Variants in THOC5 observed in about 807,000 individuals in gnomAD.
THOC5 encodes THO complex subunit 5.
THOC5 carries 43 observed loss-of-function variants against 92.9 expected under a neutral mutation model. The ratio of observed to expected loss-of-function variants is 0.46; its 90% CI spans 0.36 to 0.60. THOC5 has a LOEUF of 0.60. THOC5 is among the 20% of genes least tolerant of loss of function. The pLI, the probability that THOC5 is intolerant of heterozygous loss-of-function variation, is 0.00. For synonymous variants in THOC5, 296 were observed against 320.1 expected (o/e 0.92, Z 0.80); for missense variants, 659 against 849.4 (o/e 0.78, Z 2.79).
At chr22:29,530,107 C>T (rs1329879153) in intron 8 of THOC5, among the ~76,000 whole-genome samples, 2 of 150,742 alleles carry the variant, frequency 1.3e-5, no homozygotes, top group Non-Finnish European at 2.9e-5. Flanking sequence ...CATGCTACTG[C>T]ACTGCAGCCT....
intron 6 of THOC5, among the ~76,000 whole-genome samples, chr22:29,539,066 C>T (rs1420509059): frequency 1.4e-5 from 2 of 142,966 alleles, no homozygotes; most frequent in Non-Finnish European, 3.0e-5. Context: ...ACTGAGATCA[C>T]ACCACCGCAC....
intron 19 of THOC5, among the ~76,000 whole-genome samples, chr22:29,509,149 G>A (rs2063174112): frequency 1.3e-5 from 2 of 151,740 alleles, no homozygotes; most frequent in Admixed American, 1.3e-4. Context: ...GCTGACAGAG[G>A]AGCTCAGCCT....
chr22:29,546,459 C>T (rs1348010484), intron 2 of THOC5, among the ~76,000 whole-genome samples: 4 of 151,996 alleles, frequency 2.6e-5, no homozygotes, highest in Admixed American at 6.6e-5. Flanking sequence ...GACAGAGTCT[C>T]GGTCTTGTCG....
In THOC5 at chr22:29,508,424, G is replaced by A. The variant is rs769077769; in HGVS notation, c.*33C>T. Reference sequence around the variant, plus strand: ...AGCAGAAGCCCAGTGCTCAGGGTGAGGCCTTGGGGGAAACAACGGTCTGCG... The same window carrying A: ...AGCAGAAGCCCAGTGCTCAGGGTGAAGCCTTGGGGGAAACAACGGTCTGCG... On this transcript the variant is annotated 3_prime_UTR_variant, in exon 20 of 20. Coordinates refer to ENST00000490103, the MANE Select transcript of THOC5 (RefSeq NM_003678.5). 6.2e-7 allele frequency: 1 copy of A among 1,608,272 alleles called. No individual in the cohort carries two copies. The highest frequency in any genetic ancestry group is 1.7e-5 in the Admixed American group (1 of 59,996).
intron 1 of THOC5, among the ~76,000 whole-genome samples, chr22:29,551,170 A>T (rs1028017997): frequency 2.0e-5 from 3 of 152,218 alleles, no homozygotes; most frequent in Non-Finnish European, 4.4e-5. Flanking sequence ...GCAGTGGCTC[A>T]GGCCTGTAAT....
In THOC5 at chr22:29,511,925, G is replaced by C. The variant is rs1178647736; in HGVS notation, c.1797+96C>G. 4.1e-6 allele frequency: 4 copies of C among 975,520 alleles called. No individual in the cohort carries two copies. In the Admixed American group the frequency reaches 8.3e-5, roughly 20 times the overall value. 60.4% of individuals were successfully genotyped at this position (975,520 alleles called of 1,614,324 possible). The stretch of plus-strand genomic sequence containing the variant: ...CACAACCTTCTGTTTTGGGAATTAA[G>C]GCAGTGCCCAAGTCCTCAGCTGCAG... On this transcript the variant is annotated intron_variant, in intron 18 of 19. Coordinates refer to ENST00000490103, the MANE Select transcript of THOC5 (RefSeq NM_003678.5).
intron 11 of THOC5, among the ~76,000 whole-genome samples, chr22:29,527,733 G>A (rs1256492283): frequency 6.6e-6 from 1 of 152,096 alleles, no homozygotes; most frequent in Non-Finnish European, 1.5e-5. Context: ...CATATACTCT[G>A]CAGAATACAA....
chr22:29,528,829 T>G, intron 9 of THOC5: 2 of 500,588 alleles, frequency 4.0e-6, no homozygotes, highest in Non-Finnish European at 7.1e-6. Context: ...AGAATTATGC[T>G]AAAGGCTGTA....
At chr22:29,542,783 A>G (rs950406796) in intron 5 of THOC5, 76 bp downstream of exon 5, 1 of 992,782 alleles carries the variant, frequency 1.0e-6, no homozygotes, top group Non-Finnish European at 1.5e-6. Context: ...AAAGAAACAG[A>G]CTTACAGTGA....
At chr22:29,548,982 A>G in intron 2 of THOC5, 70 bp downstream of exon 2, 1 of 1,514,704 alleles carries the variant, frequency 6.6e-7, no homozygotes, top group Non-Finnish European at 9.1e-7. Flanking sequence ...GAGCTGCTGC[A>G]AACACACAGC....
At chr22:29,536,539 G>A (rs541907080) in intron 7 of THOC5, 85 bp downstream of exon 7, 9 of 801,180 alleles carry the variant, frequency 1.1e-5, no homozygotes, top group East Asian at 9.7e-5. Context: ...TAGGGTAATA[G>A]ACCTGGCAAA....
intron 8 of THOC5, among the ~76,000 whole-genome samples, chr22:29,529,785 A>C (rs2063616450): frequency 6.6e-6 from 1 of 152,160 alleles, no homozygotes; most frequent in Non-Finnish European, 1.5e-5. Flanking sequence ...TCTCAAACAC[A>C]TGACCTGGAA....
intron 2 of THOC5, 36 bp from the exon 3 acceptor site, chr22:29,544,639 G>T (rs751166133): frequency 8.5e-6 from 13 of 1,521,156 alleles, no homozygotes; most frequent in Non-Finnish European, 1.2e-5. Flanking sequence ...GTGTGCATGG[G>T]GTAAAAGTCT....
intron 7 of THOC5, chr22:29,534,643 A>G (rs1330969796): frequency 2.0e-5 from 3 of 151,912 alleles, no homozygotes; most frequent in Non-Finnish European, 4.4e-5. Context: ...CCAATTGTAC[A>G]ATATATAAAG....
Position 29,543,477 on chromosome 22 carries a change from G to T in THOC5, c.306C>A (p.Asn102Lys). The T allele has an allele frequency of 6.2e-7, 1 of 1,614,004 alleles. No individual in the cohort carries two copies. The highest frequency in any genetic ancestry group is 8.5e-7 in the Non-Finnish European group (1 of 1,180,012). ...TCTTCAACCTGATGTGGGCTAATCG[G>T]TTAAGCTTCTTTAGAGTCATGAAAT... is the stretch of plus-strand genomic sequence containing the variant. ...CVHFMTLKKLNRLAHIRLKKG... is the reference protein window; with the variant it reads ...CVHFMTLKKLKRLAHIRLKKG... The change falls in exon 4 of 20, where the codon AAC (asparagine) becomes AAA (lysine). Residue 102 changes from asparagine to lysine, a missense_variant. By Grantham distance (94) the Asn-to-Lys change is moderately conservative. Coordinates refer to ENST00000490103, the MANE Select transcript of THOC5 (RefSeq NM_003678.5).
Position 29,539,326 on chromosome 22 carries a change from C to T in THOC5, c.599+4G>A. 1 of 1,613,184 alleles carries T rather than the reference C, an allele frequency of 6.2e-7. No homozygotes were observed. The highest frequency in any genetic ancestry group is 8.5e-7 in the Non-Finnish European group (1 of 1,179,482). ...TTAAAAGGTCAGGAAGGAGGAAATG[C>T]TACCTTTTCCGCTGCTCCAGCTCCC... On this transcript the variant is annotated splice_donor_region_variant and intron_variant, in intron 6 of 19. Transcript: ENST00000490103.
rs2063159262 is a variant in THOC5, at chr22:29,508,401, C to T, written c.*56G>A. On this transcript the variant is annotated 3_prime_UTR_variant, in exon 20 of 20. Coordinates refer to ENST00000490103, the MANE Select transcript of THOC5 (RefSeq NM_003678.5). ...GTCACATGTGGGCCAGAGCAGAAAG[C>T]AGAAGCCCAGTGCTCAGGGTGAGGC... 1.3e-6 allele frequency: 2 copies of T among 1,557,658 alleles called. No individual in the cohort carries two copies. The highest frequency in any genetic ancestry group is 1.4e-5 in the African/African-American group (1 of 73,602).
intron 11 of THOC5, among the ~76,000 whole-genome samples, chr22:29,527,593 CTTGGAGGTGAGA>C (rs2063569168): frequency 6.6e-6 from 1 of 152,024 alleles, no homozygotes; most frequent in African/African-American, 2.4e-5. Flanking sequence ...AATGGTTGCC[CTTGGAGGTGAGA>C]CCTAGGACTG....
At chr22:29,536,550 G>A in intron 7 of THOC5, 74 bp downstream of exon 7, 1 of 901,736 alleles carries the variant, frequency 1.1e-6, no homozygotes, top group Admixed American at 1.8e-5. Context: ...ACCTGGCAAA[G>A]CCCAAAGGGT....
Sources: allele counts gnomAD v4.1 joint callset (sites outside exome capture counted in the v4.1 genomes callset), GRCh38; gene constraint gnomAD v4.1.1; transcripts MANE v1.5; gene names NCBI Gene and HGNC (gene_info 2026-07-23, HGNC 2026-07-21).